ADGRB3: variants seen among roughly 807,000 people sequenced by gnomAD.
ADGRB3 encodes the protein brain-specific angiogenesis inhibitor 3.
In ADGRB3, 37 loss-of-function variants were observed where a neutral mutation model predicts 193.4. The observed-to-expected ratio is 0.19, with a 90% CI of 0.15 to 0.25. ADGRB3 has a LOEUF of 0.25. Ranked by LOEUF, ADGRB3 falls within the 10% of genes least tolerant of loss-of-function variation. ADGRB3 has a pLI of 1.00. For synonymous variants in ADGRB3, 690 were observed against 644.2 expected, an observed-to-expected ratio of 1.07 and a Z score of -1.08; for missense variants, 1,637 against 1,852.9, an observed-to-expected ratio of 0.88 and a Z score of 2.14.
At chr6:69,057,655 T>C (rs1771583567) in intron 15 of ADGRB3, among the ~76,000 whole-genome samples, 1 of 152,064 alleles carries the variant, frequency 6.6e-6, no homozygotes, top group Non-Finnish European at 1.5e-5. Flanking sequence ...GTGTCGAATT[T>C]TGTCACATGC....
intron 22 of ADGRB3, among the ~76,000 whole-genome samples, chr6:69,329,180 G>A (rs1389406637): frequency 1.3e-5 from 2 of 152,086 alleles, no homozygotes; most frequent in African/African-American, 4.8e-5. Context: ...TAGTGGCAGA[G>A]ATTAGTTTAC....
At chr6:68,958,870 AGTGTGTGTGTGTGTGTGTGTGT>A (rs66559521) in intron 8 of ADGRB3, among the ~76,000 whole-genome samples, 50 of 147,234 alleles carry the variant, frequency 3.4e-4, no homozygotes, top group Non-Finnish European at 6.6e-4. Flanking sequence ...AAAGAAAAAT[AGTGTGTGTGTGTGTGTGTGTGT>A]GTGTGTGTGT....
intron 20 of ADGRB3, among the ~76,000 whole-genome samples, chr6:69,309,971 C>T (rs1768148902): frequency 6.6e-6 from 1 of 151,588 alleles, no homozygotes; most frequent in Non-Finnish European, 1.5e-5. Flanking sequence ...CCACCCTTCC[C>T]CACCCTGTCT....
intron 17 of ADGRB3, among the ~76,000 whole-genome samples, chr6:69,079,996 C>G (rs1410061938): frequency 6.6e-6 from 1 of 152,070 alleles, no homozygotes; most frequent in Non-Finnish European, 1.5e-5. Flanking sequence ...ACAGTCACAT[C>G]TTGACTGAGA....
chr6:69,225,133 T>A (rs1190574200), intron 17 of ADGRB3, among the ~76,000 whole-genome samples: 1 of 152,172 alleles, frequency 6.6e-6, no homozygotes, highest in African/African-American at 2.4e-5. Context: ...CTATCTGACT[T>A]GCATTCAGTC....
At chr6:68,938,201 A>G (rs865806949) in intron 5 of ADGRB3, among the ~76,000 whole-genome samples, 1 of 152,124 alleles carries the variant, frequency 6.6e-6, no homozygotes, top group South Asian at 2.1e-4. Context: ...AGAGCAAGAA[A>G]AAAGCATGAA....
intron 20 of ADGRB3, among the ~76,000 whole-genome samples, chr6:69,316,773 G>C (rs764314702): frequency 3.3e-5 from 5 of 151,542 alleles, no homozygotes; most frequent in Non-Finnish European, 5.9e-5. Flanking sequence ...AGAAGTTGAA[G>C]TGTGGCTTAA....
At chr6:69,155,627 A>G (rs1774813850) in intron 17 of ADGRB3, among the ~76,000 whole-genome samples, 1 of 152,204 alleles carries the variant, frequency 6.6e-6, no homozygotes, top group Non-Finnish European at 1.5e-5. Flanking sequence ...ATTTATTACT[A>G]TCAATCCCAA....
At chr6:69,381,653 C>A (rs955216723) in intron 30 of ADGRB3, among the ~76,000 whole-genome samples, 1 of 151,898 alleles carries the variant, frequency 6.6e-6, no homozygotes, top group Non-Finnish European at 1.5e-5. Flanking sequence ...TGCTTCTCTG[C>A]AGTGTCTTTT....
At chr6:69,059,453 G>A (rs1237730153) in intron 15 of ADGRB3, among the ~76,000 whole-genome samples, 1 of 151,938 alleles carries the variant, frequency 6.6e-6, no homozygotes, top group Non-Finnish European at 1.5e-5. Context: ...TTAAGACTCT[G>A]CAAAAAAATG....
intron 11 of ADGRB3, among the ~76,000 whole-genome samples, chr6:69,011,063 G>T (rs539407614): frequency 4.0e-5 from 6 of 151,650 alleles, no homozygotes; most frequent in Admixed American, 6.6e-5. Flanking sequence ...CTATTTATCA[G>T]TCTGATAGTT....
At chr6:68,956,543 A>G (rs1768081170) in intron 7 of ADGRB3, 102 bp from the exon 8 acceptor site, 4 of 1,375,042 alleles carry the variant, frequency 2.9e-6, no homozygotes, top group South Asian at 2.6e-5. Context: ...TCACAGTAGT[A>G]GATTAACAAA....
At chr6:68,702,943 T>G (rs1765266876) in intron 3 of ADGRB3, among the ~76,000 whole-genome samples, 1 of 152,222 alleles carries the variant, frequency 6.6e-6, no homozygotes, top group East Asian at 1.9e-4. Context: ...TGGCCATTAT[T>G]GCAGGGTATT....
At chr6:68,833,229 T>G (rs1382467899) in intron 3 of ADGRB3, among the ~76,000 whole-genome samples, 2 of 152,074 alleles carry the variant, frequency 1.3e-5, no homozygotes, top group Admixed American at 6.6e-5. Flanking sequence ...AATAAAGTTA[T>G]TTTTAAATAA....
At position 69,048,328 on chromosome 6, in the gene ADGRB3, T is replaced by A. The variant is rs1406871050; in HGVS notation, c.2251T>A (p.Ser751Thr). Residue 751 changes from serine to threonine, a missense_variant, in exon 14 of 32, where the codon TCA becomes ACA. Transcript: ENST00000370598. ...IPKSIFTPVS[S>T]KELDESSVFV... ...AAAAAGCATTTTCACTCCGGTGTCA[T>A]CAAAAGGTAAATATCTGAAATAATA... 6.2e-7 allele frequency: 1 copy of A among 1,612,250 alleles called. No individual in the cohort carries two copies. Among genetic ancestry groups the A allele is most frequent in the Non-Finnish European group, 8.5e-7 (1 of 1,179,290 alleles).
At chr6:69,250,328 G>GTTTGT (rs1426436032) in intron 20 of ADGRB3, among the ~76,000 whole-genome samples, 1 of 16,512 alleles carries the variant, frequency 6.1e-5, no homozygotes, top group Non-Finnish European at 9.4e-5. Context: ...ACTTATTTTT[G>GTTTGT]TTTATTTTTA....
chr6:68,643,085 A>G (rs1768120046), intron 3 of ADGRB3, among the ~76,000 whole-genome samples: 1 of 152,194 alleles, frequency 6.6e-6, no homozygotes, highest in Non-Finnish European at 1.5e-5. Flanking sequence ...AATAAGCCTT[A>G]ATGGAATCTT....
chr6:69,090,253 G>A (rs1047917689), intron 17 of ADGRB3, among the ~76,000 whole-genome samples: 10 of 152,154 alleles, frequency 6.6e-5, no homozygotes, highest in Admixed American at 4.6e-4. Context: ...TGGACTATGA[G>A]GTCATCGCCT....
chr6:68,836,477 G>T (rs1040077665), intron 3 of ADGRB3, among the ~76,000 whole-genome samples: 5 of 152,070 alleles, frequency 3.3e-5, no homozygotes, highest in Admixed American at 6.6e-5. Context: ...GTTAGTTTCA[G>T]AAAGAAGATT....
Sources: allele counts gnomAD v4.1 joint callset (sites outside exome capture counted in the v4.1 genomes callset), GRCh38; gene constraint gnomAD v4.1.1; transcripts MANE v1.5; gene names NCBI Gene and HGNC (gene_info 2026-07-23, HGNC 2026-07-21).